Variants in LRRC4C observed in about 807,000 individuals in gnomAD.
LRRC4C encodes the protein leucine rich repeat containing 4C, also known as leucine-rich repeat-containing protein 4C.
A neutral mutation model predicts 33.6 loss-of-function variants in LRRC4C; 5 were observed. The ratio of observed to expected loss-of-function variants is 0.15; its 90% confidence interval spans 0.08 to 0.31. The LOEUF is 0.31. LRRC4C is among the 10% of genes least tolerant of loss of function. The pLI, the probability that LRRC4C is intolerant of heterozygous loss-of-function variation, is 1.00. For synonymous variants in LRRC4C, 329 were observed against 302.0 expected (o/e 1.09, Z -0.93); for missense variants, 560 against 796.7 (o/e 0.70, Z 3.58).
intron 3 of LRRC4C, among the ~76,000 whole-genome samples, chr11:40,418,548 G>A (rs1411657578): frequency 2.0e-5 from 3 of 152,216 alleles, no homozygotes; most frequent in Admixed American, 1.3e-4. Flanking sequence ...GGAGGACACT[G>A]TGGTGATTCC....
In LRRC4C at chr11:40,794,066, A is replaced by C. The variant is rs545742795; in HGVS notation, c.-407+139569T>G. Among the ~76,000 whole-genome samples the C allele has an allele frequency of 1.9e-4, 29 of 152,238 alleles. 1 individual carries two copies. Among genetic ancestry groups the C allele is most frequent in the Non-Finnish European group, 5.9e-5 (4 of 68,018 alleles). On this transcript the variant is annotated intron_variant, in intron 2 of 6. Transcript: ENST00000528697. ...TTTGTGAGATCTCTGATGTGAAAAAAAACTTTTTAAAAATAAACTTCCTGT... is the reference window on the plus strand; with the variant it reads ...TTTGTGAGATCTCTGATGTGAAAAACAACTTTTTAAAAATAAACTTCCTGT...
intron 1 of LRRC4C, among the ~76,000 whole-genome samples, chr11:41,138,510 C>G (rs1470894602): frequency 6.6e-6 from 1 of 151,636 alleles, no homozygotes; most frequent in African/African-American, 2.4e-5. Flanking sequence ...GAATGGGAAA[C>G]TACATCATTT....
intron 3 of LRRC4C, among the ~76,000 whole-genome samples, chr11:40,633,284 T>A (rs1197671818): frequency 6.6e-6 from 1 of 151,820 alleles, no homozygotes; most frequent in Non-Finnish European, 1.5e-5. Context: ...GGCTTTGCAA[T>A]AACAGGCCTT....
At chr11:41,006,825 A>C (rs879832086) in intron 1 of LRRC4C, among the ~76,000 whole-genome samples, 1 of 152,190 alleles carries the variant, frequency 6.6e-6, no homozygotes, top group African/African-American at 2.4e-5. Flanking sequence ...CCTAACATGC[A>C]CAAATTCATA....
intron 3 of LRRC4C, among the ~76,000 whole-genome samples, chr11:40,566,895 A>G (rs1957788841): frequency 6.6e-6 from 1 of 152,144 alleles, no homozygotes; most frequent in Admixed American, 6.5e-5. Flanking sequence ...GCAGTGCTAT[A>G]TCTATAATTA....
intron 1 of LRRC4C, among the ~76,000 whole-genome samples, chr11:40,984,922 G>T (rs187146): frequency 1.1e-4 from 1 of 9,098 alleles, no homozygotes; most frequent in African/African-American, 1.9e-4. Flanking sequence ...TTTTTTTTGA[G>T]ACGCAATCTC....
chr11:40,867,064 T>C (rs895950788), intron 2 of LRRC4C, among the ~76,000 whole-genome samples: 3 of 152,228 alleles, frequency 2.0e-5, no homozygotes, highest in African/African-American at 7.2e-5. Context: ...TGCTATATGA[T>C]GCCAGAGCAT....
chr11:41,325,633 C>T (rs1197288329), intron 1 of LRRC4C, among the ~76,000 whole-genome samples: 2 of 139,948 alleles, frequency 1.4e-5, no homozygotes, highest in Non-Finnish European at 3.0e-5. Context: ...TATTTCGTTA[C>T]CTCCACTACA....
At chr11:40,326,371 G>A (rs888862892) in intron 3 of LRRC4C, among the ~76,000 whole-genome samples, 1 of 152,012 alleles carries the variant, frequency 6.6e-6, no homozygotes, top group African/African-American at 2.4e-5. Context: ...AGACCAGCCT[G>A]GACATGATGG....
intron 3 of LRRC4C, among the ~76,000 whole-genome samples, chr11:40,453,905 C>A (rs1191262284): frequency 6.6e-6 from 1 of 152,024 alleles, no homozygotes; most frequent in East Asian, 1.9e-4. Context: ...AATACGAAAC[C>A]CATTGAGTTA....
At chr11:40,248,007 C>T (rs895212807) in intron 4 of LRRC4C, among the ~76,000 whole-genome samples, 1 of 152,140 alleles carries the variant, frequency 6.6e-6, no homozygotes, top group Non-Finnish European at 1.5e-5. Flanking sequence ...TGATGTTAAC[C>T]TCATTTGTAT....
At chr11:41,040,802 T>C (rs991567673) in intron 1 of LRRC4C, among the ~76,000 whole-genome samples, 1 of 152,216 alleles carries the variant, frequency 6.6e-6, no homozygotes, top group Non-Finnish European at 1.5e-5. Context: ...ACTGATTAAA[T>C]ATACAACCAC....
At chr11:41,227,854 C>T (rs1947612295) in intron 1 of LRRC4C, among the ~76,000 whole-genome samples, 1 of 151,972 alleles carries the variant, frequency 6.6e-6, no homozygotes, top group African/African-American at 2.4e-5. Flanking sequence ...TTCTTTATTC[C>T]TGTCTTCCCT....
At chr11:40,160,192 G>C (rs1197674300) in intron 5 of LRRC4C, among the ~76,000 whole-genome samples, 2 of 147,938 alleles carry the variant, frequency 1.4e-5, no homozygotes, top group African/African-American at 5.0e-5. Flanking sequence ...TTTTTTTTTT[G>C]GACAGAGTTT....
intron 3 of LRRC4C, among the ~76,000 whole-genome samples, chr11:40,437,434 C>A (rs1220372820): frequency 6.6e-6 from 1 of 151,568 alleles, no homozygotes; most frequent in African/African-American, 2.4e-5. Context: ...TGCTCTGTCA[C>A]CCAGGCTGGA....
At position 41,155,592 on chromosome 11, in the gene LRRC4C, A is replaced by C. The variant is rs183321746; in HGVS notation, c.-495-221869T>G. ...CATCCGTTGAGAGATTTTGGATTAG[A>C]GTAACATGGGGCATAGCCAGTTCTT... On this transcript the variant is annotated intron_variant, in intron 1 of 6. Transcript: ENST00000528697. Among the ~76,000 whole-genome samples, 244 of 152,204 alleles carry C rather than the reference A, an allele frequency of 1.6e-3. 2 individuals carry two copies. Among genetic ancestry groups the C allele is most frequent in the Non-Finnish European group, 2.4e-3 (160 of 67,982 alleles).
chr11:41,255,801 A>C (rs1248776698), intron 1 of LRRC4C, among the ~76,000 whole-genome samples: 1 of 151,976 alleles, frequency 6.6e-6, no homozygotes, highest in Non-Finnish European at 1.5e-5. Flanking sequence ...AAGTCCCAGT[A>C]TGCTGCCAAC....
At chr11:40,185,546 G>A (rs1276178502) in intron 5 of LRRC4C, among the ~76,000 whole-genome samples, 1 of 152,168 alleles carries the variant, frequency 6.6e-6, no homozygotes, top group African/African-American at 2.4e-5. Flanking sequence ...AGGAAATTTA[G>A]TGAGAAGCAT....
rs560264010 is a variant in LRRC4C, at chr11:40,365,795, A to T, written c.-269-46074T>A. On this transcript the variant is annotated intron_variant, in intron 3 of 6. Coordinates refer to ENST00000528697, the MANE Select transcript of LRRC4C (RefSeq NM_001258419.2). ...TTTCTCAAATATTTATTCTATTTAA[A>T]GTCCCCAAGTGGGTTGTATGAGGGA... is the stretch of plus-strand genomic sequence containing the variant. Among the ~76,000 whole-genome samples, 43 of 152,160 alleles carry T rather than the reference A, an allele frequency of 2.8e-4. No homozygotes were observed. In the South Asian group the frequency reaches 8.5e-3, roughly 30 times the overall value.
Sources: gnomAD v4.1 joint callset for allele counts (sites outside exome capture counted in the v4.1 genomes callset) on GRCh38, gnomAD v4.1.1 for gene constraint, MANE v1.5 for transcripts, NCBI Gene and HGNC (gene_info 2026-07-23, HGNC 2026-07-21) for gene names.